The following GLG1 variants were observed in gnomAD, a reference collection of about 807,000 sequenced individuals.
The protein encoded by GLG1 is Golgi apparatus protein 1.
In GLG1, 38 loss-of-function variants were observed where a neutral mutation model predicts 160.5. The ratio of observed to expected loss-of-function variants is 0.24; its 90% CI spans 0.18 to 0.31. The LOEUF is 0.31. Ranked by LOEUF, GLG1 falls within the 10% of genes least tolerant of loss-of-function variation. GLG1 has a pLI of 1.00. For synonymous variants in GLG1, 644 were observed against 543.4 expected, an observed-to-expected ratio of 1.19 and a Z score of -2.57; for missense variants, 1,373 against 1,505.2, an observed-to-expected ratio of 0.91 and a Z score of 1.45.
chr16:74,502,640 T>C lies in GLG1; in HGVS notation c.774+891A>G, dbSNP rs553356811. Reference sequence around the variant, plus strand: ...CTCACTGCAAGCTCCACTTCCTGGGTTCATGCCTTTCTTCTGCCTCAGCCT... The same window carrying C: ...CTCACTGCAAGCTCCACTTCCTGGGCTCATGCCTTTCTTCTGCCTCAGCCT... On this transcript the variant is annotated intron_variant, in intron 4 of 25. Transcript: ENST00000422840. Among the ~76,000 whole-genome samples the C allele has an allele frequency of 7.9e-5, 12 of 151,564 alleles. No individual in the cohort carries two copies. The East Asian group carries it at 1.2e-3, about 15-fold the overall frequency.
At chr16:74,511,886 T>A (rs1041358952) in intron 2 of GLG1, among the ~76,000 whole-genome samples, 13 of 152,146 alleles carry the variant, frequency 8.5e-5, no homozygotes, top group Admixed American at 2.0e-4. Flanking sequence ...CTAAGAACCA[T>A]GACAGTATTG....
chr16:74,456,863 A>T (rs980424915), intron 24 of GLG1, 108 bp from the exon 25 acceptor site: 3 of 735,508 alleles, frequency 4.1e-6, no homozygotes, highest in Admixed American at 4.4e-5. Flanking sequence ...TCAGATCTGC[A>T]GGCTCAACAA....
chr16:74,455,003 G>A (rs2014477906), intron 25 of GLG1, among the ~76,000 whole-genome samples: 1 of 151,796 alleles, frequency 6.6e-6, no homozygotes, highest in South Asian at 2.1e-4. Context: ...ACTCAAGGAG[G>A]ATCACTTGAG....
In GLG1 at chr16:74,508,365, T is replaced by C. The variant is rs191003481; in HGVS notation, c.558+474A>G. 5.1e-4 allele frequency among the ~76,000 whole-genome samples: 78 copies of C among 152,192 alleles called. 1 individual carries two copies. Among genetic ancestry groups the C allele is most frequent in the Admixed American group, 5.1e-3 (78 of 15,270 alleles). On this transcript the variant is annotated intron_variant, in intron 3 of 25. Transcript: ENST00000422840. ...AAAGAAATTTAAAGTACCACAATTT[T>C]CACTAATATTATTTGTTGTTTACAC...
chr16:74,470,343 CTCCTTCCT>C (rs1022192389), intron 15 of GLG1, among the ~76,000 whole-genome samples: 7 of 141,636 alleles, frequency 4.9e-5, no homozygotes, highest in Non-Finnish European at 1.1e-4. Context: ...CTTTCCTTCC[CTCCTTCCT>C]TCCTTCCCTC....
At chr16:74,518,766 C>A (rs951114008) in intron 2 of GLG1, among the ~76,000 whole-genome samples, 6 of 152,164 alleles carry the variant, frequency 3.9e-5, no homozygotes, top group African/African-American at 1.2e-4. Flanking sequence ...AGGCAACCTA[C>A]AGAATGGGAG....
At position 74,456,705 on chromosome 16, in the gene GLG1, G is replaced by T; in HGVS notation, c.3316C>A (p.Pro1106Thr). ...ALEDKRVRLQ[P>T]ECKKRLNDRI... ...TCATTGAGGCGCTTTTTGCACTCGGGCTGTAACCTCACCCGCTTATCCTCC... is the reference window on the plus strand; with the variant it reads ...TCATTGAGGCGCTTTTTGCACTCGGTCTGTAACCTCACCCGCTTATCCTCC... Residue 1106 changes from proline to threonine, a missense_variant, in exon 25 of 26, where the codon CCC becomes ACC. This residue lies in a region of GLG1 where 491 missense variants were observed against 632.1 expected (regional missense o/e 0.78). Transcript: ENST00000422840. 6.2e-7 allele frequency: 1 copy of T among 1,611,636 alleles called. No homozygotes were observed.
At chr16:74,599,695 T>C (rs1038459538) in intron 1 of GLG1, among the ~76,000 whole-genome samples, 1 of 152,140 alleles carries the variant, frequency 6.6e-6, no homozygotes, top group Non-Finnish European at 1.5e-5. Context: ...AAACCCCGTC[T>C]CTACTAAAAA....
intron 18 of GLG1, among the ~76,000 whole-genome samples, chr16:74,466,182 A>T (rs1430486861): frequency 6.6e-6 from 1 of 152,244 alleles, no homozygotes. Flanking sequence ...ACAAACCAGG[A>T]GGTTCAATTC....
rs749387846 is a variant in GLG1 at position 74,472,379 on chromosome 16, G to C, written c.2085C>G (p.Ala695=). The C allele has an allele frequency of 5.6e-6, 9 of 1,611,762 alleles. No individual in the cohort carries two copies. The highest frequency in any genetic ancestry group is 7.6e-6 in the Non-Finnish European group (9 of 1,177,906). The change falls in exon 14 of 26, where the codon GCC becomes GCG. Residue 695 remains alanine, a synonymous_variant. Transcript: ENST00000422840. ...DIQIEALLMR[A]CEPIIQNFCH... ...AGAAGTTCTGAATTATGGGCTCACA[G>C]GCTCTCATCAGCAAGGCTTCTATTT...
At chr16:74,535,595 GTTAA>G (rs1461330150) in intron 1 of GLG1, among the ~76,000 whole-genome samples, 2 of 152,116 alleles carry the variant, frequency 1.3e-5, no homozygotes, top group Admixed American at 6.6e-5. Context: ...ATGATAGCTG[GTTAA>G]TTTTTTAAAA....
At chr16:74,560,326 CTTT>C (rs66983409) in intron 1 of GLG1, among the ~76,000 whole-genome samples, 4 of 118,408 alleles carry the variant, frequency 3.4e-5, no homozygotes, top group South Asian at 2.8e-4. Flanking sequence ...CAGTTTTTGT[CTTT>C]TTTTTTTTTT....
chr16:74,518,105 G>A (rs567031596), intron 2 of GLG1, among the ~76,000 whole-genome samples: 6 of 152,040 alleles, frequency 3.9e-5, no homozygotes, highest in South Asian at 2.1e-4. Context: ...AATCAATATC[G>A]TGAAAATGGC....
intron 9 of GLG1, among the ~76,000 whole-genome samples, chr16:74,484,196 A>G (rs553737774): frequency 6.6e-6 from 1 of 152,294 alleles, no homozygotes; most frequent in South Asian, 2.1e-4. Context: ...GCACAGCATG[A>G]ACAGCAGGAG....
chr16:74,502,606 C>T (rs538747507), intron 4 of GLG1, among the ~76,000 whole-genome samples: 5 of 151,598 alleles, frequency 3.3e-5, no homozygotes, highest in Non-Finnish European at 7.4e-5. Flanking sequence ...TGCAGTGGCG[C>T]GATCTCGGCT....
rs562331457 is a variant in GLG1 at position 74,447,619 on chromosome 16, G to T, written c.*5548C>A. The T allele has an allele frequency of 3.9e-5, 6 of 152,352 alleles. No individual in the cohort carries two copies. The highest frequency in any genetic ancestry group is 9.6e-5 in the African/African-American group (4 of 41,582). 9.4% of individuals were successfully genotyped at this position (152,352 alleles called of 1,614,324 possible). On this transcript the variant is annotated 3_prime_UTR_variant, in exon 26 of 26. Transcript: ENST00000422840. ...CATTTACAAAAGAGGCTTGTTAATTGTATTTTTTTCTTTCTTTCAAAAACA... is the reference window on the plus strand; with the variant it reads ...CATTTACAAAAGAGGCTTGTTAATTTTATTTTTTTCTTTCTTTCAAAAACA...
At position 74,523,411 on chromosome 16, in the gene GLG1, G is replaced by T. The variant is rs999887342; in HGVS notation, c.471+8710C>A. ...ACAGTCTCTCTGCTTGGTTCTTCAA[G>T]ATCGCTTTGGCTGTTACAGGTACTC... On this transcript the variant is annotated intron_variant, in intron 2 of 25. Transcript: ENST00000422840. Among the ~76,000 whole-genome samples the T allele has an allele frequency of 5.3e-5, 8 of 152,180 alleles. 1 individual carries two copies. The highest frequency in any genetic ancestry group is 5.2e-4 in the Admixed American group (8 of 15,280).
Position 74,480,342 on chromosome 16 carries a change from G to C in GLG1, c.1726C>G (p.His576Asp). The change falls in exon 11 of 26, where the codon CAC (histidine) becomes GAC (aspartate). Residue 576 changes from histidine (H) to aspartate (D), a missense_variant. By Grantham distance (81) the His-to-Asp change is moderately conservative (BLOSUM62 -1). This residue lies in a region of GLG1 where 386 missense variants were observed against 388.5 expected (regional missense o/e 0.99). Transcript: ENST00000422840. ...CTGGTCTCATTCCAACCGTGGGTGT[G>C]GCAAAGACGAGAAGCGTCTCCCTGG... ...KCQGDASRLC[H>D]THGWNETSEF... The C allele has an allele frequency of 6.2e-7, 1 of 1,613,490 alleles. No individual in the cohort carries two copies. The highest frequency in any genetic ancestry group is 8.5e-7 in the Non-Finnish European group (1 of 1,179,386).
intron 1 of GLG1, among the ~76,000 whole-genome samples, chr16:74,564,205 C>T (rs567509315): frequency 2.6e-4 from 39 of 152,200 alleles, no homozygotes; most frequent in Admixed American, 7.9e-4. Flanking sequence ...CAGGTGTGAG[C>T]CATCATACCA....
Sources: allele counts gnomAD v4.1 joint callset (sites outside exome capture counted in the v4.1 genomes callset), GRCh38; gene constraint gnomAD v4.1.1; regional missense constraint gnomAD v4.1.1; transcripts MANE v1.5; gene names NCBI Gene and HGNC (gene_info 2026-07-23, HGNC 2026-07-21).